Variants in SPAM1 observed in about 807,000 individuals in gnomAD.
SPAM1 encodes the protein sperm adhesion molecule 1, also known as hyaluronidase PH-20.
In SPAM1, 22 loss-of-function variants were observed where a neutral mutation model predicts 29.6. That is an observed-to-expected ratio of 0.74 (90% confidence interval 0.53 to 1.06). The LOEUF is 1.06. SPAM1 is among the 50% of genes least tolerant of loss of function. SPAM1 has a pLI of 0.00. For missense variants in SPAM1, 534 were observed against 604.0 expected (o/e 0.88, Z 1.21); for synonymous variants, 194 against 204.6 (o/e 0.95, Z 0.44).
At chr7:123,946,572 G>T (rs1293924912) in intron 1 of SPAM1, among the ~76,000 whole-genome samples, 2 of 152,128 alleles carry the variant, frequency 1.3e-5, no homozygotes, top group African/African-American at 4.8e-5. Flanking sequence ...GTAGGTTAGG[G>T]TACAGCTTGC....
At chr7:123,949,600 A>AT (rs562755370) in intron 1 of SPAM1, among the ~76,000 whole-genome samples, 64 of 151,598 alleles carry the variant, frequency 4.2e-4, no homozygotes, top group African/African-American at 1.1e-3. Flanking sequence ...TTTGCTTTTT[A>AT]TTTTTTTTCA....
At chr7:123,968,917 C>T (rs77717306) in intron 5 of SPAM1, among the ~76,000 whole-genome samples, 2,969 of 152,064 alleles carry the variant, frequency 0.02, 44 homozygotes, top group Middle Eastern at 0.031. Flanking sequence ...TATTTCAGCT[C>T]ATATTTTTTG....
intron 1 of SPAM1, among the ~76,000 whole-genome samples, chr7:123,945,022 T>C (rs1486498699): frequency 6.6e-6 from 1 of 152,216 alleles, no homozygotes; most frequent in East Asian, 1.9e-4. Context: ...AACCTTCTTA[T>C]TATGACTTAC....
downstream of SPAM1, among the ~76,000 whole-genome samples, chr7:123,960,885 C>T (rs2117073966): frequency 6.6e-6 from 1 of 151,590 alleles, no homozygotes; most frequent in Admixed American, 6.6e-5. Flanking sequence ...AGACTGAGCT[C>T]TAAAAAGCAA....
intron 4 of SPAM1, among the ~76,000 whole-genome samples, chr7:123,956,303 T>C (rs1157276185): frequency 6.6e-6 from 1 of 152,056 alleles, no homozygotes; most frequent in Non-Finnish European, 1.5e-5. Flanking sequence ...ATTTCTGCTA[T>C]CTTTCTCAAC....
intron 5 of SPAM1, among the ~76,000 whole-genome samples, chr7:123,965,189 C>T (rs1693118013): frequency 1.3e-5 from 2 of 151,864 alleles, no homozygotes; most frequent in Non-Finnish European, 2.9e-5. Context: ...CCTGTGTATT[C>T]CACCATTATA....
chr7:123,954,710 T>A (rs1792208930), intron 3 of SPAM1, among the ~76,000 whole-genome samples, 186 bp downstream of exon 3: 1 of 152,022 alleles, frequency 6.6e-6, no homozygotes. Flanking sequence ...TGTAATCTCT[T>A]TATCTCTTAG....
At chr7:123,947,578 CCA>C (rs3993662) in intron 1 of SPAM1, 29,449 of 147,370 alleles carry the variant, frequency 0.2, 3,262 homozygotes, top group Non-Finnish European at 0.26. Context: ...GATTAAAACA[CCA>C]CACACACACA....
At chr7:123,943,346 A>G (rs1311392273) in intron 1 of SPAM1, among the ~76,000 whole-genome samples, 3 of 152,172 alleles carry the variant, frequency 2.0e-5, no homozygotes, top group Non-Finnish European at 4.4e-5. Flanking sequence ...ACCTTTTGAA[A>G]AGGATAAAAA....
At chr7:123,926,140 A>G (rs1295710950) in intron 1 of SPAM1, 2 of 152,228 alleles carry the variant, frequency 1.3e-5, no homozygotes, top group Non-Finnish European at 2.9e-5. Flanking sequence ...CTCCACAGGT[A>G]GTTACTCTGT....
At chr7:123,937,537 C>G (rs545419847) in intron 1 of SPAM1, among the ~76,000 whole-genome samples, 31 of 139,606 alleles carry the variant, frequency 2.2e-4, no homozygotes, top group Admixed American at 1.8e-3. Context: ...GGAGGCGGAG[C>G]TTGCAGTGAG....
At chr7:123,942,037 AGTC>A (rs753773219) in intron 1 of SPAM1, among the ~76,000 whole-genome samples, 2 of 152,206 alleles carry the variant, frequency 1.3e-5, no homozygotes, top group African/African-American at 2.4e-5. Flanking sequence ...ATTACTCTGA[AGTC>A]TATGAATCAG....
intron 1 of SPAM1, among the ~76,000 whole-genome samples, chr7:123,933,056 T>TA (rs1364675362): frequency 1.3e-5 from 2 of 151,992 alleles, no homozygotes; most frequent in Non-Finnish European, 2.9e-5. Flanking sequence ...TATTTTATTT[T>TA]TTTTTTTTTA....
In SPAM1 at chr7:123,939,409, A is replaced by G. The variant is rs547529446; in HGVS notation, c.-318-10463A>G. Among the ~76,000 whole-genome samples, 10 of 151,960 alleles carry G rather than the reference A, an allele frequency of 6.6e-5. No homozygotes were observed. The South Asian group carries it at 1.2e-3, about 19-fold the overall frequency. ...CCTCAAGTCTTTATTCAATTACTTCATTTCAATCATATCTGGGTGCGTCAG... is the reference window on the plus strand; with the variant it reads ...CCTCAAGTCTTTATTCAATTACTTCGTTTCAATCATATCTGGGTGCGTCAG... On this transcript the variant is annotated intron_variant, in intron 1 of 4. Transcript: ENST00000682466.
At chr7:123,936,953 C>T (rs2117029387) in intron 1 of SPAM1, among the ~76,000 whole-genome samples, 1 of 152,260 alleles carries the variant, frequency 6.6e-6, no homozygotes, top group Non-Finnish European at 1.5e-5. Flanking sequence ...TATAACTCTT[C>T]CTCCTCCCAC....
chr7:123,956,032 TA>T, intron 4 of SPAM1, among the ~76,000 whole-genome samples: 1 of 151,982 alleles, frequency 6.6e-6, no homozygotes, highest in African/African-American at 2.4e-5. Flanking sequence ...CTTTTCTTTT[TA>T]AAAAAACTGA....
At chr7:123,952,695 C>T (rs900256021) in intron 2 of SPAM1, among the ~76,000 whole-genome samples, 4 of 151,948 alleles carry the variant, frequency 2.6e-5, no homozygotes, top group Admixed American at 6.6e-5. Context: ...TAGGCTAGAA[C>T]TGATCCTTTT....
At chr7:123,967,046 AG>A (rs1184242371) in intron 5 of SPAM1, among the ~76,000 whole-genome samples, 1 of 152,022 alleles carries the variant, frequency 6.6e-6, no homozygotes, top group Non-Finnish European at 1.5e-5. Flanking sequence ...AATTGAGAAA[AG>A]AGGAAGCTTA....
chr7:123,962,767 C>T (rs1475963910), downstream of SPAM1, among the ~76,000 whole-genome samples: 2 of 151,840 alleles, frequency 1.3e-5, no homozygotes, highest in East Asian at 3.9e-4. Flanking sequence ...TTGTGTCTTC[C>T]TTCTACAAGT....
Sources: allele counts gnomAD v4.1 joint callset (sites outside exome capture counted in the v4.1 genomes callset), GRCh38; gene constraint gnomAD v4.1.1; transcripts MANE v1.5; gene names NCBI Gene and HGNC (gene_info 2026-07-23, HGNC 2026-07-21).